The following CDH9 variants were observed in gnomAD, a reference collection of about 807,000 sequenced individuals.
CDH9 encodes cadherin-9.
A neutral mutation model predicts 70.9 loss-of-function variants in CDH9; 28 were observed. The observed-to-expected ratio is 0.40, with a 90% CI of 0.29 to 0.54. CDH9 has a LOEUF of 0.54. Among genes scored for constraint, CDH9 ranks in the 20% least tolerant of loss-of-function variants. The probability of loss-of-function intolerance (pLI) is 0.59; values close to 1 mark genes in which losing one functional copy is unlikely to be tolerated. For synonymous variants in CDH9, 409 were observed against 343.1 expected, an observed-to-expected ratio of 1.19 and a Z score of -2.12; for missense variants, 874 against 984.4, an observed-to-expected ratio of 0.89 and a Z score of 1.50.
At chr5:26,912,884 C>T (rs1029580303) in intron 3 of CDH9, among the ~76,000 whole-genome samples, 2 of 152,006 alleles carry the variant, frequency 1.3e-5, no homozygotes, top group Non-Finnish European at 2.9e-5. Flanking sequence ...AGGGTCTTTT[C>T]TGCATCTTTC....
In CDH9 at chr5:26,991,163, G is replaced by A. The variant is rs139241261; in HGVS notation, c.-49-2781C>T. ...AGTTAGGGTCTTTTACTTCTAGTCCGGTAAGAGATGATGAAGGCATATAGA... is the reference window on the plus strand; with the variant it reads ...AGTTAGGGTCTTTTACTTCTAGTCCAGTAAGAGATGATGAAGGCATATAGA... On this transcript the variant is annotated intron_variant, in intron 1 of 11. Coordinates refer to ENST00000231021, the MANE Select transcript of CDH9 (RefSeq NM_016279.4). 2.0e-3 allele frequency among the ~76,000 whole-genome samples: 307 copies of A among 152,248 alleles called. 1 individual carries two copies. Among genetic ancestry groups the A allele is most frequent in the Non-Finnish European group, 3.6e-3 (245 of 68,004 alleles).
chr5:26,893,600 GT>G (rs1280794476), intron 7 of CDH9, among the ~76,000 whole-genome samples: 1 of 152,016 alleles, frequency 6.6e-6, no homozygotes, highest in Non-Finnish European at 1.5e-5. Flanking sequence ...TATTTCTTGG[GT>G]GGGAAGTCCT....
At chr5:26,913,013 C>A (rs536428651) in intron 3 of CDH9, among the ~76,000 whole-genome samples, 1 of 152,222 alleles carries the variant, frequency 6.6e-6, no homozygotes, top group South Asian at 2.1e-4. Context: ...AACTCCTTGC[C>A]TTCTGCCATG....
chr5:27,032,487 A>T (rs752371725), intron 1 of CDH9, among the ~76,000 whole-genome samples: 1 of 151,662 alleles, frequency 6.6e-6, no homozygotes, highest in Non-Finnish European at 1.5e-5. Flanking sequence ...ACCATATTAA[A>T]TATGTCACAT....
rs566407611 is a variant in CDH9 at position 26,892,624 on chromosome 5, A to G, written c.1254-2060T>C. On this transcript the variant is annotated intron_variant, in intron 7 of 11. Transcript: ENST00000231021. ...TGGGAAATTACAGCTCCCACTGTAA[A>G]TCTTAAATATATTCACAGTTTGGTG... is the stretch of plus-strand genomic sequence containing the variant. Among the ~76,000 whole-genome samples the G allele has an allele frequency of 2.6e-5, 4 of 152,324 alleles. No individual in the cohort carries two copies. In the South Asian group the frequency reaches 8.3e-4, roughly 32 times the overall value.
chr5:26,883,874 A>G (rs2111965046), intron 11 of CDH9, among the ~76,000 whole-genome samples: 1 of 152,236 alleles, frequency 6.6e-6, no homozygotes, highest in South Asian at 2.1e-4. Context: ...ACTAAGAGCT[A>G]CATTTCTTCA....
intron 1 of CDH9, among the ~76,000 whole-genome samples, chr5:26,991,865 G>C (rs2112095595): frequency 6.6e-6 from 1 of 151,940 alleles, no homozygotes; most frequent in East Asian, 1.9e-4. Flanking sequence ...TCTTATTCTT[G>C]GTCAAAATAA....
At chr5:26,889,774 A>G in intron 9 of CDH9, 62 bp downstream of exon 9, 1 of 973,420 alleles carries the variant, frequency 1.0e-6, no homozygotes, top group South Asian at 1.5e-5. Flanking sequence ...AAAGTGATGT[A>G]ATGTCATTTG....
At chr5:26,995,501 T>C (rs1742650546) in intron 1 of CDH9, among the ~76,000 whole-genome samples, 1 of 152,156 alleles carries the variant, frequency 6.6e-6, no homozygotes, top group Admixed American at 6.6e-5. Context: ...TATGTAGTCC[T>C]TTGATGGTAT....
intron 2 of CDH9, among the ~76,000 whole-genome samples, chr5:26,929,536 A>T (rs1417062993): frequency 6.6e-6 from 1 of 152,062 alleles, no homozygotes; most frequent in Non-Finnish European, 1.5e-5. Flanking sequence ...AGACATCTGC[A>T]CTCTCATGTT....
intron 1 of CDH9, among the ~76,000 whole-genome samples, chr5:27,035,171 G>GTATATA (rs35693444): frequency 0.011 from 1,524 of 143,238 alleles, 26 homozygotes; most frequent in African/African-American, 0.029. Context: ...TATTGCATAT[G>GTATATA]TATATATATA....
chr5:27,027,476 C>A (rs535875589), intron 1 of CDH9, among the ~76,000 whole-genome samples: 17 of 152,076 alleles, frequency 1.1e-4, no homozygotes, highest in Middle Eastern at 3.4e-3. Context: ...ATTAAAGAAG[C>A]CATCAATTGT....
intron 2 of CDH9, among the ~76,000 whole-genome samples, chr5:26,982,967 G>A (rs1742425895): frequency 6.6e-6 from 1 of 152,062 alleles, no homozygotes; most frequent in South Asian, 2.1e-4. Flanking sequence ...TTGCAGGCGT[G>A]AGCCACCGCG....
chr5:27,022,714 A>T (rs924628793), intron 1 of CDH9, among the ~76,000 whole-genome samples: 3 of 152,092 alleles, frequency 2.0e-5, no homozygotes, highest in Non-Finnish European at 4.4e-5. Flanking sequence ...TCGGACAATA[A>T]TGAAATTCTA....
At chr5:26,882,204 A>G (rs1013972068) in intron 11 of CDH9, among the ~76,000 whole-genome samples, 2 of 152,048 alleles carry the variant, frequency 1.3e-5, no homozygotes, top group African/African-American at 4.8e-5. Flanking sequence ...GTCTAATTTT[A>G]TAGGAGGCTT....
At chr5:26,901,659 T>C (rs1288637698) in intron 7 of CDH9, among the ~76,000 whole-genome samples, 3 of 151,900 alleles carry the variant, frequency 2.0e-5, no homozygotes. Flanking sequence ...ATTGTCTATC[T>C]CTTCAGCTGT....
At chr5:27,006,766 G>A (rs1267662927) in intron 1 of CDH9, among the ~76,000 whole-genome samples, 2 of 152,002 alleles carry the variant, frequency 1.3e-5, no homozygotes, top group Non-Finnish European at 2.9e-5. Context: ...TGCTCCCATG[G>A]AATAAAGTAT....
chr5:27,022,879 T>A (rs1299821914), intron 1 of CDH9, among the ~76,000 whole-genome samples: 1 of 152,080 alleles, frequency 6.6e-6, no homozygotes, highest in Non-Finnish European at 1.5e-5. Flanking sequence ...AGTCCAGTTC[T>A]GAGGCCATGA....
chr5:26,962,765 T>G (rs1742059425), intron 2 of CDH9, among the ~76,000 whole-genome samples: 1 of 152,150 alleles, frequency 6.6e-6, no homozygotes, highest in Non-Finnish European at 1.5e-5. Flanking sequence ...TATTATACTT[T>G]AAGTTCTAGA....
Sources: gnomAD v4.1 joint callset for allele counts (sites outside exome capture counted in the v4.1 genomes callset) on GRCh38, gnomAD v4.1.1 for gene constraint, MANE v1.5 for transcripts, NCBI Gene and HGNC (gene_info 2026-07-23, HGNC 2026-07-21) for gene names.